Variants in VPS13B observed in about 807,000 individuals in gnomAD.
The protein encoded by VPS13B is intermembrane lipid transfer protein VPS13B.
In VPS13B, 285 loss-of-function variants were observed where a neutral mutation model predicts 426.4. The ratio of observed to expected loss-of-function variants is 0.67; its 90% confidence interval spans 0.61 to 0.74. The LOEUF (loss-of-function observed/expected upper bound fraction) is 0.74, where lower values mean the gene tolerates loss of function less well. VPS13B is among the 30% of genes least tolerant of loss of function. VPS13B has a pLI of 0.00. For synonymous variants in VPS13B, 1,676 were observed against 1,676.4 expected (o/e 1.00, Z 0.01); for missense variants, 4,537 against 4,782.6 (o/e 0.95, Z 1.51).
chr8:99,734,061 A>G (rs1833712647), intron 39 of VPS13B, among the ~76,000 whole-genome samples: 1 of 152,118 alleles, frequency 6.6e-6, no homozygotes, highest in Admixed American at 6.5e-5. Flanking sequence ...TCACGAATCT[A>G]CTTTCTGTCT....
In VPS13B at chr8:99,196,586, C is replaced by A. The variant is rs144986979; in HGVS notation, c.2515+3529C>A. Among the ~76,000 whole-genome samples, 419 of 150,944 alleles carry A rather than the reference C, an allele frequency of 2.8e-3. 3 individuals carry two copies. Among genetic ancestry groups the A allele is most frequent in the African/African-American group, 9.9e-3 (408 of 41,074 alleles). On this transcript the variant is annotated intron_variant, in intron 17 of 61. Coordinates refer to ENST00000357162, the MANE Select transcript of VPS13B (RefSeq NM_152564.5). ...GGGTTTGTAACTGAGATTATAGGCA[C>A]GTCACCACACCTGGGTAAGTTTTTT...
At chr8:99,207,676 T>C (rs1259042376) in intron 17 of VPS13B, among the ~76,000 whole-genome samples, 1 of 152,334 alleles carries the variant, frequency 6.6e-6, no homozygotes, top group East Asian at 1.9e-4. Flanking sequence ...CTGTTGATAA[T>C]AAAATATTAA....
At chr8:99,042,094 C>T (rs183975247) in intron 3 of VPS13B, among the ~76,000 whole-genome samples, 2,205 of 147,348 alleles carry the variant, frequency 0.015, 24 homozygotes, top group Non-Finnish European at 0.022. Context: ...GTGCAGAGGC[C>T]GCGCCATTGC....
intron 2 of VPS13B, among the ~76,000 whole-genome samples, chr8:99,018,374 A>G (rs1196145683): frequency 6.6e-6 from 1 of 152,248 alleles, no homozygotes; most frequent in Non-Finnish European, 1.5e-5. Context: ...CGACAGAGTG[A>G]GACTCTGTCT....
chr8:99,673,035 A>G (rs527471566), intron 35 of VPS13B, among the ~76,000 whole-genome samples: 24 of 152,038 alleles, frequency 1.6e-4, no homozygotes, highest in Admixed American at 1.4e-3. Flanking sequence ...GTCTACTACT[A>G]TTTTGTTGAG....
chr8:99,442,454 A>G lies in VPS13B; in HGVS notation c.3264A>G (p.Pro1088=). 6.2e-7 allele frequency: 1 copy of G among 1,613,936 alleles called. No homozygotes were observed. The highest frequency in any genetic ancestry group is 1.1e-5 in the South Asian group (1 of 91,078). Residue 1088 remains proline (P), a synonymous_variant, in exon 23 of 62, where the codon CCA becomes CCG. Transcript: ENST00000357162. ...VFIPNDSLPS[P]STIVSGDIPG... ...TTCCAAATGATAGCCTGCCTTCCCC[A>G]AGTACAATTGTATCTGGTGACATTC...
chr8:99,021,639 C>CA (rs1464747731), intron 2 of VPS13B, among the ~76,000 whole-genome samples: 7 of 151,214 alleles, frequency 4.6e-5, no homozygotes, highest in African/African-American at 7.3e-5. Context: ...AACAAAAACA[C>CA]AAAAAAACAA....
chr8:99,592,134 G>A (rs1045376742), intron 33 of VPS13B, among the ~76,000 whole-genome samples: 5 of 151,820 alleles, frequency 3.3e-5, no homozygotes, highest in Admixed American at 1.3e-4. Context: ...CATGTGTCAC[G>A]TAGCTCTCAT....
chr8:99,604,469 C>G (rs971792094), intron 33 of VPS13B, among the ~76,000 whole-genome samples: 63 of 150,010 alleles, frequency 4.2e-4, no homozygotes, highest in Admixed American at 1.3e-3. Context: ...CTCTAGAATA[C>G]GACAGTTTCT....
At chr8:99,514,658 C>T (rs1821964263) in intron 29 of VPS13B, among the ~76,000 whole-genome samples, 1 of 152,160 alleles carries the variant, frequency 6.6e-6, no homozygotes, top group Admixed American at 6.6e-5. Flanking sequence ...TATGGATATA[C>T]CACATTTTGT....
intron 2 of VPS13B, among the ~76,000 whole-genome samples, chr8:99,036,112 ACT>A (rs974410305): frequency 6.6e-6 from 1 of 150,956 alleles, no homozygotes; most frequent in African/African-American, 2.4e-5. Context: ...TGTCTTTTTT[ACT>A]CTTTTTCCTT....
intron 30 of VPS13B, among the ~76,000 whole-genome samples, chr8:99,527,017 T>C (rs1386355691): frequency 6.6e-6 from 1 of 152,180 alleles, no homozygotes; most frequent in Non-Finnish European, 1.5e-5. Context: ...TTACAAACCT[T>C]TTAAACGGAG....
chr8:99,334,382 A>G (rs1003878050), intron 19 of VPS13B, among the ~76,000 whole-genome samples: 2 of 152,042 alleles, frequency 1.3e-5, no homozygotes, highest in African/African-American at 4.8e-5. Context: ...GTCTTAAAAG[A>G]CTTGAAGGTC....
intron 16 of VPS13B, among the ~76,000 whole-genome samples, chr8:99,175,381 C>G (rs894408138): frequency 3.7e-4 from 56 of 152,098 alleles, no homozygotes; most frequent in African/African-American, 1.3e-3. Flanking sequence ...CTAGAAATAT[C>G]AAAATAATGA....
chr8:99,144,508 C>T (rs951902616), intron 13 of VPS13B, among the ~76,000 whole-genome samples: 3 of 147,156 alleles, frequency 2.0e-5, no homozygotes, highest in Admixed American at 6.8e-5. Flanking sequence ...AAAAAAAAAG[C>T]TGCTGTTTTT....
At chr8:99,746,225 T>G (rs1779037787) in intron 39 of VPS13B, among the ~76,000 whole-genome samples, 1 of 152,110 alleles carries the variant, frequency 6.6e-6, no homozygotes, top group Non-Finnish European at 1.5e-5. Context: ...CTGGATTTTT[T>G]GGAAAGAATA....
intron 14 of VPS13B, among the ~76,000 whole-genome samples, chr8:99,152,996 C>G (rs1811155569): frequency 6.6e-6 from 1 of 152,008 alleles, no homozygotes; most frequent in Admixed American, 6.6e-5. Flanking sequence ...GGGTAAAACC[C>G]TGTCTCTACA....
At chr8:99,306,628 A>C (rs1820650940) in intron 19 of VPS13B, among the ~76,000 whole-genome samples, 1 of 152,118 alleles carries the variant, frequency 6.6e-6, no homozygotes, top group African/African-American at 2.4e-5. Flanking sequence ...AAATTGGAGT[A>C]GTTTTCTGTG....
At chr8:99,079,453 A>G (rs972782228) in intron 3 of VPS13B, among the ~76,000 whole-genome samples, 7 of 152,150 alleles carry the variant, frequency 4.6e-5, no homozygotes, top group African/African-American at 1.7e-4. Flanking sequence ...GAGCAGGTTG[A>G]TACCTAGGCC....
Sources: gnomAD v4.1 joint callset for allele counts (sites outside exome capture counted in the v4.1 genomes callset) on GRCh38, gnomAD v4.1.1 for gene constraint, MANE v1.5 for transcripts, NCBI Gene and HGNC (gene_info 2026-07-23, HGNC 2026-07-21) for gene names.